Variants in PTPRT observed in about 807,000 individuals in gnomAD.
PTPRT encodes protein tyrosine phosphatase receptor type T, also known as receptor-type tyrosine-protein phosphatase T.
A neutral mutation model predicts 176.8 loss-of-function variants in PTPRT; 56 were observed. The observed-to-expected ratio is 0.32, with a 90% CI of 0.26 to 0.40. The LOEUF (loss-of-function observed/expected upper bound fraction) is 0.40. PTPRT is among the 10% of genes least tolerant of loss of function. The pLI is 1.00. For missense variants in PTPRT, 1,540 were observed against 1,908.2 expected, an observed-to-expected ratio of 0.81 and a Z score of 3.60; for synonymous variants, 783 against 739.0, an observed-to-expected ratio of 1.06 and a Z score of -0.96.
At chr20:42,299,894 G>A (rs995346523) in intron 12 of PTPRT, among the ~76,000 whole-genome samples, 1 of 150,848 alleles carries the variant, frequency 6.6e-6, no homozygotes, top group Non-Finnish European at 1.5e-5. Context: ...TGATCCATTT[G>A]CCTCAGTCTC....
At chr20:42,036,385 T>C in the PTPRT span, among the ~76,000 whole-genome samples, 38 of 152,188 alleles carry the variant, frequency 2.5e-4, no homozygotes, top group Admixed American at 2.5e-3. Context: ...TACTCTTACA[T>C]AGTTTTCACA....
intron 1 of PTPRT, among the ~76,000 whole-genome samples, chr20:42,908,983 C>T (rs1282159074): frequency 6.6e-6 from 1 of 152,030 alleles, no homozygotes; most frequent in Non-Finnish European, 1.5e-5. Context: ...ATAGCAGATC[C>T]CATCTATAAA....
intron 1 of PTPRT, among the ~76,000 whole-genome samples, chr20:43,055,747 A>G (rs1307124989): frequency 2.6e-5 from 4 of 152,230 alleles, no homozygotes; most frequent in Non-Finnish European, 5.9e-5. Flanking sequence ...ATTTATCAGG[A>G]GCTGAATTTA....
At chr20:43,140,925 T>A (rs1390077572) in intron 1 of PTPRT, among the ~76,000 whole-genome samples, 1 of 152,176 alleles carries the variant, frequency 6.6e-6, no homozygotes, top group Non-Finnish European at 1.5e-5. Flanking sequence ...ACACTACTAA[T>A]CCTGGTGTCT....
intron 2 of PTPRT, among the ~76,000 whole-genome samples, chr20:42,832,383 G>A (rs1009107233): frequency 6.6e-6 from 1 of 152,000 alleles, no homozygotes; most frequent in Non-Finnish European, 1.5e-5. Flanking sequence ...AGAGGAGGGA[G>A]GGGATCAGAA....
chr20:42,073,817 T>C lies in PTPRT; in HGVS notation c.*7062A>G. On this transcript the variant is annotated 3_prime_UTR_variant, in exon 31 of 31. Transcript: ENST00000373187. ...CTACAGGTATGAATGAGTTCAAACA[T>C]GATCCCAGCTCCACAAGATCTCACC... The C allele has an allele frequency of 4.4e-6, 1 of 225,216 alleles. No homozygotes were observed. The highest frequency in any genetic ancestry group is 8.9e-6 in the Non-Finnish European group (1 of 112,952). 14.0% of individuals were successfully genotyped at this position (225,216 alleles called of 1,614,324 possible).
chr20:42,098,380 C>T lies in PTPRT; in HGVS notation c.3846+41G>A, dbSNP rs770017992. 4 of 1,607,890 alleles carry T rather than the reference C, an allele frequency of 2.5e-6. No individual in the cohort carries two copies. The East Asian group carries it at 6.7e-5, about 27-fold the overall frequency. On this transcript the variant is annotated intron_variant, in intron 27 of 30. Transcript: ENST00000373187. Reference sequence around the variant, plus strand: ...ATCTCCCTCCAGGTTTAGAGCATGGCCCCCCTGACCCACCTAGGGCTTGGC... The same window carrying T: ...ATCTCCCTCCAGGTTTAGAGCATGGTCCCCCTGACCCACCTAGGGCTTGGC...
At chr20:42,636,033 A>G (rs2074590655) in intron 7 of PTPRT, among the ~76,000 whole-genome samples, 1 of 152,190 alleles carries the variant, frequency 6.6e-6, no homozygotes, top group African/African-American at 2.4e-5. Context: ...TATTTCTAAA[A>G]AATTGTACTT....
At chr20:42,674,581 G>T (rs1410673093) in intron 7 of PTPRT, among the ~76,000 whole-genome samples, 2 of 152,164 alleles carry the variant, frequency 1.3e-5, no homozygotes, top group Non-Finnish European at 2.9e-5. Flanking sequence ...TCATCAGCAG[G>T]ATCAAATCAA....
At chr20:42,770,763 C>G (rs533006181) in intron 5 of PTPRT, among the ~76,000 whole-genome samples, 1 of 152,168 alleles carries the variant, frequency 6.6e-6, no homozygotes, top group South Asian at 2.1e-4. Flanking sequence ...ATTCCATTTG[C>G]CTCAGCCCTA....
At chr20:42,683,699 C>T (rs553435313) in intron 6 of PTPRT, among the ~76,000 whole-genome samples, 3 of 152,308 alleles carry the variant, frequency 2.0e-5, no homozygotes, top group East Asian at 3.9e-4. Context: ...AAACTTTCTA[C>T]GATTTATGCG....
intron 2 of PTPRT, among the ~76,000 whole-genome samples, chr20:42,854,559 C>T (rs866177930): frequency 2.2e-4 from 33 of 152,214 alleles, no homozygotes; most frequent in Non-Finnish European, 2.9e-5. Flanking sequence ...AGGCATGGTA[C>T]CTTGAAGCAG....
intron 9 of PTPRT, among the ~76,000 whole-genome samples, chr20:42,425,880 AAAG>A (rs1408948417): frequency 6.6e-6 from 1 of 152,186 alleles, no homozygotes; most frequent in African/African-American, 2.4e-5. Context: ...ATCAATGTGC[AAAG>A]AAGTACAAAG....
At chr20:42,315,595 G>T (rs1259282776) in intron 12 of PTPRT, 128 bp downstream of exon 12, 3 of 1,066,448 alleles carry the variant, frequency 2.8e-6, no homozygotes, top group African/African-American at 1.6e-5. Context: ...TAATTTAAAG[G>T]CATGAGGTAG....
intron 7 of PTPRT, among the ~76,000 whole-genome samples, chr20:42,611,737 C>T (rs957189774): frequency 3.3e-5 from 5 of 152,156 alleles, no homozygotes; most frequent in African/African-American, 1.2e-4. Context: ...TGGCTGTGGG[C>T]ATTCCTTCTG....
At chr20:42,603,497 TAGA>T (rs1487739389) in intron 7 of PTPRT, among the ~76,000 whole-genome samples, 1 of 152,010 alleles carries the variant, frequency 6.6e-6, no homozygotes, top group Non-Finnish European at 1.5e-5. Flanking sequence ...GCCAGGAGAA[TAGA>T]AGGAGATGAG....
At chr20:42,184,601 T>TTCTTCTTCTTCTTCTTCC (rs1568652570) in intron 16 of PTPRT, among the ~76,000 whole-genome samples, 1 of 138,830 alleles carries the variant, frequency 7.2e-6, no homozygotes, top group Non-Finnish European at 1.6e-5. Context: ...CTTCCTCTTC[T>TTCTTCTTCTTCTTCTTCC]TCTTCTTCTT....
intron 7 of PTPRT, among the ~76,000 whole-genome samples, chr20:42,665,936 C>T (rs1168507578): frequency 1.7e-5 from 2 of 116,518 alleles, no homozygotes; most frequent in Non-Finnish European, 3.3e-5. Context: ...CACACCAGGG[C>T]CTGTTGTGGG....
chr20:43,072,580 A>G (rs572135423), intron 1 of PTPRT, among the ~76,000 whole-genome samples: 118 of 152,302 alleles, frequency 7.7e-4, no homozygotes, highest in Non-Finnish European at 1.5e-3. Flanking sequence ...CTCATTTCCA[A>G]CCCAGTGCTA....
Sources: gnomAD v4.1 joint callset for allele counts (sites outside exome capture counted in the v4.1 genomes callset) on GRCh38, gnomAD v4.1.1 for gene constraint, MANE v1.5 for transcripts, NCBI Gene and HGNC (gene_info 2026-07-23, HGNC 2026-07-21) for gene names.